The following B4GALT5 variants were observed in gnomAD, a reference collection of about 807,000 sequenced individuals.
B4GALT5 encodes the protein beta-1,4-galactosyltransferase 5.
A neutral mutation model predicts 45.0 loss-of-function variants in B4GALT5; 11 were observed. The ratio of observed to expected loss-of-function variants is 0.24; its 90% confidence interval spans 0.15 to 0.40. B4GALT5 has a LOEUF of 0.40. B4GALT5 is among the 10% of genes least tolerant of loss of function. The pLI, the probability that B4GALT5 is intolerant of heterozygous loss-of-function variation, is 1.00. For missense variants in B4GALT5, 337 were observed against 500.2 expected (o/e 0.67, Z 3.11); for synonymous variants, 185 against 182.9 (o/e 1.01, Z -0.09).
chr20:49,637,770 C>T (rs2085560304), intron 7 of B4GALT5, among the ~76,000 whole-genome samples: 3 of 147,272 alleles, frequency 2.0e-5, no homozygotes, highest in African/African-American at 7.5e-5. Flanking sequence ...CCCATCTCTA[C>T]TTAAAAAAAA....
intron 2 of B4GALT5, among the ~76,000 whole-genome samples, chr20:49,655,878 G>A (rs6019956): frequency 0.024 from 3,436 of 145,184 alleles, 149 homozygotes; most frequent in African/African-American, 0.083. Context: ...GCAGTGAGCC[G>A]AAATCACCCG....
rs1251220086 is a variant in B4GALT5, at chr20:49,633,058, G to T, written c.*3254C>A. 1 of 152,596 alleles carries T rather than the reference G, an allele frequency of 6.6e-6. No individual in the cohort carries two copies. The highest frequency in any genetic ancestry group is 6.5e-5 in the Admixed American group (1 of 15,280). 9.5% of individuals were successfully genotyped at this position (152,596 alleles called of 1,614,324 possible). ...TGACAAAGGACTATTTTTGTGAAAA[G>T]TGTTTTTTAAAACATCTTTAGATTT... On this transcript the variant is annotated 3_prime_UTR_variant, in exon 9 of 9. Coordinates refer to ENST00000371711, the MANE Select transcript of B4GALT5 (RefSeq NM_004776.4).
At chr20:49,679,923 A>G (rs2085757217) in intron 1 of B4GALT5, among the ~76,000 whole-genome samples, 1 of 152,186 alleles carries the variant, frequency 6.6e-6, no homozygotes, top group African/African-American at 2.4e-5. Context: ...TTGGCCCCTA[A>G]GCTCAGCAAT....
chr20:49,689,606 A>C (rs1190797179), intron 1 of B4GALT5, among the ~76,000 whole-genome samples: 1 of 152,180 alleles, frequency 6.6e-6, no homozygotes, highest in Non-Finnish European at 1.5e-5. Context: ...CCATTAATCC[A>C]TCTTACTTTG....
intron 1 of B4GALT5, among the ~76,000 whole-genome samples, chr20:49,678,637 TG>T (rs2085749904): frequency 1.3e-5 from 2 of 152,194 alleles, no homozygotes; most frequent in Admixed American, 1.3e-4. Context: ...CTTTGGGAGT[TG>T]GACAGACATG....
chr20:49,660,043 C>T (rs1483063484), intron 1 of B4GALT5, among the ~76,000 whole-genome samples: 1 of 152,056 alleles, frequency 6.6e-6, no homozygotes, highest in Non-Finnish European at 1.5e-5. Flanking sequence ...CCCCAGACAC[C>T]CTCTCCCACT....
chr20:49,640,696 A>G (rs773110402), intron 5 of B4GALT5, 31 bp from the exon 6 acceptor site: 1 of 1,555,012 alleles, frequency 6.4e-7, no homozygotes, highest in East Asian at 2.3e-5. Context: ...TCTTTAAAAG[A>G]ATCTTGAAGG....
chr20:49,640,544 C>T lies in B4GALT5; in HGVS notation c.728G>A (p.Arg243His), dbSNP rs752406119. The change falls in exon 6 of 9, where the codon CGC becomes CAC. Residue 243 changes from arginine (R) to histidine (H), a missense_variant. Transcript: ENST00000371711. ...HDVDHIPESD[R>H]NYYGCGQMPR... ...CATCTGTCCACATCCATAATAGTTGCGATCACTTTCCGGTATGTGATCTAC... is the reference window on the plus strand; with the variant it reads ...CATCTGTCCACATCCATAATAGTTGTGATCACTTTCCGGTATGTGATCTAC... 8.1e-6 allele frequency: 13 copies of T among 1,613,562 alleles called. No homozygotes were observed. Among genetic ancestry groups the T allele is most frequent in the Admixed American group, 5.0e-5 (3 of 59,972 alleles).
At chr20:49,661,297 G>A (rs1285173254) in intron 1 of B4GALT5, among the ~76,000 whole-genome samples, 8 of 152,034 alleles carry the variant, frequency 5.3e-5, no homozygotes, top group South Asian at 2.1e-4. Context: ...GTGTAGTGGC[G>A]CGTCTCGGCT....
At chr20:49,672,177 G>C (rs1376687755) in intron 1 of B4GALT5, among the ~76,000 whole-genome samples, 3 of 151,992 alleles carry the variant, frequency 2.0e-5, no homozygotes, top group Non-Finnish European at 4.4e-5. Context: ...TGTCCTATGG[G>C]GATAATATAT....
chr20:49,691,670 G>A (rs947681173), intron 1 of B4GALT5, among the ~76,000 whole-genome samples: 6 of 152,058 alleles, frequency 3.9e-5, no homozygotes, highest in Admixed American at 1.3e-4. Context: ...TACATATAAT[G>A]TAAGCTCAAT....
chr20:49,662,076 G>A (rs148272318), intron 1 of B4GALT5, among the ~76,000 whole-genome samples: 65 of 152,230 alleles, frequency 4.3e-4, no homozygotes, highest in Non-Finnish European at 7.6e-4. Context: ...CCACACAATG[G>A]TGCCTTTCTT....
intron 1 of B4GALT5, 68 bp downstream of exon 1, chr20:49,713,508 G>T: frequency 6.7e-7 from 1 of 1,486,082 alleles, no homozygotes; most frequent in Non-Finnish European, 9.1e-7. Flanking sequence ...CCTTAGGGAG[G>T]GGCGGGGATT....
intron 1 of B4GALT5, among the ~76,000 whole-genome samples, chr20:49,666,294 A>G (rs983502112): frequency 6.6e-6 from 1 of 152,174 alleles, no homozygotes; most frequent in Non-Finnish European, 1.5e-5. Flanking sequence ...TGGCATGTAG[A>G]GTGGAGGGAA....
intron 1 of B4GALT5, among the ~76,000 whole-genome samples, chr20:49,703,471 A>G (rs1366932079): frequency 6.6e-6 from 1 of 152,176 alleles, no homozygotes; most frequent in Non-Finnish European, 1.5e-5. Flanking sequence ...CGTGCTGGGC[A>G]CCATCCTAGG....
chr20:49,653,026 T>G (rs1047169223), intron 2 of B4GALT5, among the ~76,000 whole-genome samples: 1 of 152,212 alleles, frequency 6.6e-6, no homozygotes, highest in African/African-American at 2.4e-5. Context: ...GAATGATGGG[T>G]TTTCATTAAA....
chr20:49,647,310 G>A (rs968644369), intron 2 of B4GALT5, among the ~76,000 whole-genome samples: 4 of 152,166 alleles, frequency 2.6e-5, no homozygotes, highest in African/African-American at 9.7e-5. Flanking sequence ...AGGTTTATAT[G>A]CAGCACTCAG....
chr20:49,635,973 C>T lies in B4GALT5; in HGVS notation c.*339G>A, dbSNP rs1254101587. On this transcript the variant is annotated 3_prime_UTR_variant, in exon 9 of 9. Transcript: ENST00000371711. ...CCACGGCAGGACCACGGCAGGACCACGGCAGATCACAGTTCATCATGGGTT... is the reference window on the plus strand; with the variant it reads ...CCACGGCAGGACCACGGCAGGACCATGGCAGATCACAGTTCATCATGGGTT... 1.5e-5 allele frequency: 4 copies of T among 262,082 alleles called. No individual in the cohort carries two copies. The highest frequency in any genetic ancestry group is 8.7e-5 in the South Asian group (2 of 23,104). The allele number at this position is 262,082 out of a possible 1,614,324, so 16.2% of individuals were successfully genotyped here.
intron 2 of B4GALT5, among the ~76,000 whole-genome samples, chr20:49,656,277 G>A (rs2085642598): frequency 6.6e-6 from 1 of 152,080 alleles, no homozygotes; most frequent in African/African-American, 2.4e-5. Flanking sequence ...GCAGACGCTG[G>A]CATCACACTT....
Sources: gnomAD v4.1 joint callset for allele counts (sites outside exome capture counted in the v4.1 genomes callset) on GRCh38, gnomAD v4.1.1 for gene constraint, MANE v1.5 for transcripts, NCBI Gene and HGNC (gene_info 2026-07-23, HGNC 2026-07-21) for gene names.